Variants in ATP1A4 observed in about 807,000 individuals in gnomAD.
The protein encoded by ATP1A4 is sodium/potassium-transporting ATPase subunit alpha-4.
Under a neutral mutation model 114.3 loss-of-function variants are expected in ATP1A4, and 90 were observed. The ratio of observed to expected loss-of-function variants is 0.79; its 90% CI spans 0.66 to 0.94. The LOEUF is 0.94. Among genes scored for constraint, ATP1A4 ranks in the 40% least tolerant of loss-of-function variants. The probability of loss-of-function intolerance (pLI) is 0.00; values close to 1 mark genes in which losing one functional copy is unlikely to be tolerated. For missense variants in ATP1A4, 1,222 were observed against 1,313.6 expected, an observed-to-expected ratio of 0.93 and a Z score of 1.08; for synonymous variants, 511 against 494.1, an observed-to-expected ratio of 1.03 and a Z score of -0.45.
chr1:160,166,150 G>A (rs1558020910), intron 7 of ATP1A4, among the ~76,000 whole-genome samples: 8 of 152,142 alleles, frequency 5.3e-5, no homozygotes, highest in Admixed American at 6.5e-5. Context: ...CATGCCTGTA[G>A]TCTGAGCTAC....
intron 15 of ATP1A4, among the ~76,000 whole-genome samples, chr1:160,175,497 TC>T (rs1653427229): frequency 6.6e-6 from 1 of 151,848 alleles, no homozygotes; most frequent in Non-Finnish European, 1.5e-5. Flanking sequence ...AAGACACAAA[TC>T]CCTGCCCTCG....
intron 14 of ATP1A4, 22 bp downstream of exon 14, chr1:160,174,283 C>T: frequency 1.9e-6 from 3 of 1,613,894 alleles, no homozygotes; most frequent in Non-Finnish European, 8.5e-7. Flanking sequence ...AAAGGAGCCC[C>T]AAGGAAACTG....
intron 4 of ATP1A4, among the ~76,000 whole-genome samples, chr1:160,157,934 T>G (rs1652725658): frequency 6.6e-6 from 1 of 152,172 alleles, no homozygotes. Context: ...ACTGGAAACT[T>G]GCAAAGGAAT....
rs1051333940 is a variant in ATP1A4, at chr1:160,186,454, C to A, written c.3061+87C>A. The stretch of plus-strand genomic sequence containing the variant: ...ATCCCACCTAGTCCCTCCAGACCCA[C>A]CACTGACTTTCTCCCCTCCTCGCTG... On this transcript the variant is annotated intron_variant, in intron 21 of 21. Transcript: ENST00000368081. 44 of 1,180,550 alleles carry A rather than the reference C, an allele frequency of 3.7e-5. No homozygotes were observed. The South Asian group carries it at 5.5e-4, about 15-fold the overall frequency. 73.1% of individuals were successfully genotyped at this position (1,180,550 alleles called of 1,614,324 possible). A position where few individuals can be genotyped will look rare whatever the true frequency, so the allele number is the denominator to read the frequency against.
At position 160,166,642 on chromosome 1, in the gene ATP1A4, A is replaced by G; in HGVS notation, c.1162A>G (p.Thr388Ala). The change falls in exon 8 of 22, where the codon ACC becomes GCC. Residue 388 changes from threonine (T) to alanine (A), a missense_variant. Thr to Ala is a moderately conservative substitution (Grantham distance 58). Coordinates refer to ENST00000368081, the MANE Select transcript of ATP1A4 (RefSeq NM_144699.4). ...TSTICSDKTG[T>A]LTQNRMTVAH... ...CACCATCTGCTCAGACAAGACGGGC[A>G]CCCTCACCCAGAACCGCATGACCGT... is the stretch of plus-strand genomic sequence containing the variant. 6.2e-7 allele frequency: 1 copy of G among 1,614,184 alleles called. No homozygotes were observed. Among genetic ancestry groups the G allele is most frequent in the Non-Finnish European group, 8.5e-7 (1 of 1,180,036 alleles).
In ATP1A4 at chr1:160,151,834, G is replaced by C. The variant is rs934590150; in HGVS notation, c.-207G>C. The C allele has an allele frequency of 7.4e-6, 4 of 541,518 alleles. No homozygotes were observed. The African/African-American group carries it at 7.5e-5, about 10-fold the overall frequency. 33.5% of individuals were successfully genotyped at this position (541,518 alleles called of 1,614,324 possible). The stretch of plus-strand genomic sequence containing the variant: ...CAGCGGACGGCTGGAGGACCGCTCA[G>C]TCTCTCCTCTCTCACTTCCCTTCCT... On this transcript the variant is annotated 5_prime_UTR_variant, in exon 1 of 22. Transcript: ENST00000368081.
chr1:160,164,520 G>T (rs1652968964), intron 7 of ATP1A4, 96 bp downstream of exon 7: 1 of 1,321,530 alleles, frequency 7.6e-7, no homozygotes, highest in South Asian at 1.4e-5. Context: ...CCTTTCAAGT[G>T]CAGGGTCTTC....
At chr1:160,165,485 C>T (rs978675392) in intron 7 of ATP1A4, among the ~76,000 whole-genome samples, 14 of 152,292 alleles carry the variant, frequency 9.2e-5, no homozygotes, top group African/African-American at 1.9e-4. Flanking sequence ...GTCTGCCGGG[C>T]GCGGTGGCTC....
At chr1:160,168,469 A>T (rs1653122190) in intron 10 of ATP1A4, among the ~76,000 whole-genome samples, 1 of 132,212 alleles carries the variant, frequency 7.6e-6, no homozygotes, top group Non-Finnish European at 1.5e-5. Flanking sequence ...TGCAACCTCC[A>T]CCTCCTGGGT....
intron 18 of ATP1A4, among the ~76,000 whole-genome samples, chr1:160,180,935 T>C (rs764542612): frequency 5.6e-4 from 85 of 151,924 alleles, no homozygotes; most frequent in South Asian, 4.6e-3. Context: ...AGGATGGTCT[T>C]GATCTCCTGA....
At chr1:160,165,772 C>A (rs1224623528) in intron 7 of ATP1A4, among the ~76,000 whole-genome samples, 1 of 152,156 alleles carries the variant, frequency 6.6e-6, no homozygotes, top group Non-Finnish European at 1.5e-5. Flanking sequence ...TGGTCCAACA[C>A]CCCCTCCACA....
rs1653063806 is a variant in ATP1A4, at chr1:160,167,001, T to G, written c.1280T>G (p.Phe427Cys). Residue 427 changes from phenylalanine to cysteine, a missense_variant, in exon 9 of 22, where the codon TTT becomes TGT. Phe to Cys is a radical substitution (Grantham distance 205, BLOSUM62 -2). Transcript: ENST00000368081. ...TTTACCAAGAGCTCTGATACCTGGT[T>G]TATGCTGGCCCGAATCGCTGGCCTC... The part of the protein sequence containing the change: ...KTFTKSSDTW[F>C]MLARIAGLCN... 10 of 1,614,106 alleles carry G rather than the reference T, an allele frequency of 6.2e-6. No individual in the cohort carries two copies. Among genetic ancestry groups the G allele is most frequent in the Non-Finnish European group, 8.5e-6 (10 of 1,180,046 alleles).
rs1261977140 is a variant in ATP1A4, at chr1:160,152,055, G to A, written c.15G>A (p.Gly5=). MGLW[G]KKGTVAPHDQ... ...TGGGGATAGCTATGGGGCTTTGGGG[G>A]AAGAAAGGGACAGTGGCTCCCCATG... The change falls in exon 1 of 22, where the codon GGG becomes GGA. Residue 5 remains glycine (G), a synonymous_variant. Coordinates refer to ENST00000368081, the MANE Select transcript of ATP1A4 (RefSeq NM_144699.4). The A allele has an allele frequency of 3.1e-6, 5 of 1,613,342 alleles. No homozygotes were observed. The highest frequency in any genetic ancestry group is 4.2e-6 in the Non-Finnish European group (5 of 1,179,764).
Position 160,167,573 on chromosome 1 carries a change from A to G in ATP1A4, c.1491+161A>G, listed in dbSNP as rs549520282. On this transcript the variant is annotated intron_variant, in intron 10 of 21. Coordinates refer to ENST00000368081, the MANE Select transcript of ATP1A4 (RefSeq NM_144699.4). ...GGAAGACTCACATCAAGAGAACGTG[A>G]CAAACAGGTAAAGAGAGGCGAAACA... The G allele has an allele frequency of 1.6e-5, 16 of 991,444 alleles. No homozygotes were observed. The South Asian group carries it at 2.6e-4, about 16-fold the overall frequency. The allele number at this position is 991,444 out of a possible 1,614,324, so 61.4% of individuals were successfully genotyped here.
chr1:160,159,414 C>T lies in ATP1A4; in HGVS notation c.666C>T (p.Asp222=). The T allele has an allele frequency of 6.2e-7, 1 of 1,611,502 alleles. No individual in the cohort carries two copies. Among genetic ancestry groups the T allele is most frequent in the South Asian group, 1.1e-5 (1 of 90,544 alleles). The part of the protein sequence containing the change: ...RLISAQGCKV[D]NSSLTGESEP... ...CGTCCCCTCTCCCATCCCAGGTGGA[C>T]AACTCATCCTTGACTGGGGAGTCAG... The change falls in exon 6 of 22, where the codon GAC becomes GAT. Residue 222 remains aspartate, a synonymous_variant. Transcript: ENST00000368081.
intron 6 of ATP1A4, among the ~76,000 whole-genome samples, chr1:160,160,730 C>A (rs12064269): frequency 3.9e-5 from 6 of 152,064 alleles, no homozygotes; most frequent in African/African-American, 1.5e-4. Flanking sequence ...TCTCGTGCTC[C>A]TTCCACAGAC....
intron 5 of ATP1A4, 104 bp downstream of exon 5, chr1:160,159,240 G>A: frequency 6.7e-7 from 1 of 1,493,614 alleles, no homozygotes; most frequent in Non-Finnish European, 9.0e-7. Context: ...TCAGAATCTT[G>A]AGAAGTTACA....
Position 160,173,616 on chromosome 1 carries a change from T to C in ATP1A4, c.1890T>C (p.Ala630=). ...TAACAGGAGATCATCCCATTACAGC[T>C]AAGGCCATTGCCAAGGGTGTGGGCA... ...IMVTGDHPIT[A]KAIAKGVGII... is the part of the protein sequence containing the mutation. The change falls in exon 13 of 22, where the codon GCT becomes GCC. Residue 630 remains alanine, a synonymous_variant. Transcript: ENST00000368081. 1.2e-6 allele frequency: 2 copies of C among 1,614,190 alleles called. No individual in the cohort carries two copies. Among genetic ancestry groups the C allele is most frequent in the South Asian group, 2.2e-5 (2 of 91,080 alleles).
At chr1:160,175,806 T>C (rs1249648082) in intron 15 of ATP1A4, among the ~76,000 whole-genome samples, 1 of 152,146 alleles carries the variant, frequency 6.6e-6, no homozygotes, top group African/African-American at 2.4e-5. Context: ...GCTTTTATAC[T>C]GACATTCTCA....
Sources: gnomAD v4.1 joint callset for allele counts (sites outside exome capture counted in the v4.1 genomes callset) on GRCh38, gnomAD v4.1.1 for gene constraint, MANE v1.5 for transcripts, NCBI Gene and HGNC (gene_info 2026-07-23, HGNC 2026-07-21) for gene names.